Variants in ABCA6 observed in about 807,000 individuals in gnomAD.
ABCA6 encodes ATP binding cassette subfamily A member 6, also known as ATP-binding cassette sub-family A member 6.
ABCA6 carries 164 observed loss-of-function variants against 191.2 expected under a neutral mutation model. The observed-to-expected ratio is 0.86, with a 90% CI of 0.76 to 0.98. ABCA6 has a LOEUF of 0.98. ABCA6 is among the 50% of genes least tolerant of loss of function. The pLI is 0.00. For synonymous variants in ABCA6, 636 were observed against 647.7 expected, an observed-to-expected ratio of 0.98 and a Z score of 0.27; for missense variants, 1,958 against 1,894.1, an observed-to-expected ratio of 1.03 and a Z score of -0.63.
chr17:69,120,498 T>G (rs955318654), intron 10 of ABCA6, among the ~76,000 whole-genome samples: 1 of 152,092 alleles, frequency 6.6e-6, no homozygotes, highest in East Asian at 1.9e-4. Context: ...TGTTGTGTGC[T>G]CCTTGAAAGA....
At chr17:69,111,787 A>C (rs2144670244) in intron 16 of ABCA6, 1 of 166,560 alleles carries the variant, frequency 6.0e-6, no homozygotes, top group Admixed American at 6.0e-5. Context: ...CTGCCCCTAG[A>C]TTCTCTCCTT....
chr17:69,084,518 A>G lies in ABCA6; in HGVS notation c.4185-11T>C. 2 of 1,613,742 alleles carry G rather than the reference A, an allele frequency of 1.2e-6. No homozygotes were observed. The highest frequency in any genetic ancestry group is 8.5e-7 in the Non-Finnish European group (1 of 1,179,756). Reference sequence around the variant, plus strand: ...AAAGCACTCACTAATCTGACAGAAAACAGAATGAGAATATCTGGTCAAGAC... The same window carrying G: ...AAAGCACTCACTAATCTGACAGAAAGCAGAATGAGAATATCTGGTCAAGAC... On this transcript the variant is annotated splice_polypyrimidine_tract_variant and intron_variant, in intron 32 of 38. Transcript: ENST00000284425.
chr17:69,137,290 A>C lies in ABCA6; in HGVS notation c.301+6T>G, dbSNP rs1568038847. On this transcript the variant is annotated splice_donor_region_variant and intron_variant, in intron 3 of 38. Coordinates refer to ENST00000284425, the MANE Select transcript of ABCA6 (RefSeq NM_080284.3). ...GTAACTCTTTTTTTGCCATGAGTACACCTACCTTTCAAAAGAGGAGCAAGT... is the reference window on the plus strand; with the variant it reads ...GTAACTCTTTTTTTGCCATGAGTACCCCTACCTTTCAAAAGAGGAGCAAGT... The C allele has an allele frequency of 6.2e-7, 1 of 1,611,168 alleles. No homozygotes were observed. The highest frequency in any genetic ancestry group is 1.1e-5 in the South Asian group (1 of 90,852).
intron 10 of ABCA6, among the ~76,000 whole-genome samples, chr17:69,122,735 G>C (rs150317825): frequency 6.6e-6 from 1 of 152,002 alleles, no homozygotes; most frequent in East Asian, 1.9e-4. Flanking sequence ...GCAGAAAGGG[G>C]GACAAGATGA....
chr17:69,096,455 A>G (rs2073047954), intron 24 of ABCA6, 102 bp from the exon 25 acceptor site: 1 of 836,252 alleles, frequency 1.2e-6, no homozygotes. Flanking sequence ...CATAAGTATA[A>G]AACATCTTTG....
intron 36 of ABCA6, among the ~76,000 whole-genome samples, chr17:69,082,590 T>C (rs913330125): frequency 1.3e-5 from 2 of 152,152 alleles, no homozygotes; most frequent in Non-Finnish European, 2.9e-5. Flanking sequence ...CTGTGTGGGT[T>C]TGAGTCATTA....
intron 37 of ABCA6, among the ~76,000 whole-genome samples, chr17:69,080,759 TA>T (rs1478392767): frequency 6.6e-6 from 1 of 152,180 alleles, no homozygotes; most frequent in Non-Finnish European, 1.5e-5. Context: ...ATGGATTATA[TA>T]CATGTAGGCA....
At position 69,113,507 on chromosome 17, in the gene ABCA6, G is replaced by A. The variant is rs560265917; in HGVS notation, c.1902+111C>T. Reference sequence around the variant, plus strand: ...CTTCTATTTATAGTTAAACATAGCAGGTTCTCTCTTGATGCATTACAATGA... The same window carrying A: ...CTTCTATTTATAGTTAAACATAGCAAGTTCTCTCTTGATGCATTACAATGA... On this transcript the variant is annotated intron_variant, in intron 14 of 38. Transcript: ENST00000284425. 13 of 1,555,756 alleles carry A rather than the reference G, an allele frequency of 8.4e-6. No homozygotes were observed. The South Asian group carries it at 1.2e-4, about 14-fold the overall frequency.
At chr17:69,124,026 C>T (rs1380606780) in intron 9 of ABCA6, among the ~76,000 whole-genome samples, 2 of 151,874 alleles carry the variant, frequency 1.3e-5, no homozygotes, top group Non-Finnish European at 2.9e-5. Context: ...ACATGTTTGT[C>T]AACTTAAATA....
chr17:69,118,097 GA>G (rs200796644), intron 10 of ABCA6, 141 bp from the exon 11 acceptor site: 3 of 509,832 alleles, frequency 5.9e-6, no homozygotes, highest in African/African-American at 4.0e-5. Flanking sequence ...TATTCAGAAA[GA>G]AAAAACCCTA....
intron 22 of ABCA6, among the ~76,000 whole-genome samples, chr17:69,098,822 T>C (rs927645565): frequency 6.6e-6 from 1 of 152,104 alleles, no homozygotes; most frequent in African/African-American, 2.4e-5. Context: ...GGAAAGCTAA[T>C]TGGCATCGAG....
chr17:69,117,538 A>C (rs1156935618), intron 11 of ABCA6, among the ~76,000 whole-genome samples: 1 of 152,042 alleles, frequency 6.6e-6, no homozygotes, highest in Non-Finnish European at 1.5e-5. Flanking sequence ...TCACCAGTAC[A>C]TATAAACTAT....
chr17:69,138,581 A>G (rs934547247), intron 2 of ABCA6, among the ~76,000 whole-genome samples: 2 of 151,758 alleles, frequency 1.3e-5, no homozygotes, highest in Non-Finnish European at 2.9e-5. Flanking sequence ...TCTTCACAGA[A>G]TTGGAAAAAA....
chr17:69,091,845 T>C (rs1318117558), intron 25 of ABCA6, among the ~76,000 whole-genome samples: 1 of 152,170 alleles, frequency 6.6e-6, no homozygotes, highest in East Asian at 1.9e-4. Context: ...TTGACGTGTA[T>C]TATTAAATTT....
intron 20 of ABCA6, chr17:69,104,679 A>C (rs1352117532): frequency 2.7e-5 from 4 of 149,798 alleles, no homozygotes; most frequent in Non-Finnish European, 4.4e-5. Context: ...AAACAAAAAA[A>C]CAATTACTGG....
chr17:69,139,482 C>A (rs1327522382), intron 2 of ABCA6, among the ~76,000 whole-genome samples: 1 of 152,094 alleles, frequency 6.6e-6, no homozygotes, highest in East Asian at 1.9e-4. Context: ...AATAGGAACA[C>A]TTTTACACTG....
At chr17:69,082,783 C>A in intron 36 of ABCA6, 90 bp downstream of exon 36, 1 of 1,546,122 alleles carries the variant, frequency 6.5e-7, no homozygotes, top group Non-Finnish European at 8.7e-7. Context: ...ATTATGAAGC[C>A]AAATCACTAT....
At position 69,109,360 on chromosome 17, in the gene ABCA6, G is replaced by A. The variant is rs186897079; in HGVS notation, c.2272+1441C>T. The stretch of plus-strand genomic sequence containing the variant: ...AAACCATTAGAACAGTGCCTAACAC[G>A]TAGAAAACATTACACAAAGAGCAAG... On this transcript the variant is annotated intron_variant, in intron 17 of 38. Coordinates refer to ENST00000284425, the MANE Select transcript of ABCA6 (RefSeq NM_080284.3). 9.2e-4 allele frequency: 140 copies of A among 152,272 alleles called. 2 individuals carry two copies. Among genetic ancestry groups the A allele is most frequent in the Admixed American group, 2.4e-3 (37 of 15,290 alleles). 9.4% of individuals were successfully genotyped at this position (152,272 alleles called of 1,614,324 possible).
At chr17:69,083,087 T>C (rs2072681656) in intron 35 of ABCA6, 74 bp from the exon 36 acceptor site, 1 of 1,590,174 alleles carries the variant, frequency 6.3e-7, no homozygotes, top group South Asian at 1.2e-5. Context: ...AAATTTCAAA[T>C]GTAGAAGAAA....
Sources: allele counts gnomAD v4.1 joint callset (sites outside exome capture counted in the v4.1 genomes callset), GRCh38; gene constraint gnomAD v4.1.1; transcripts MANE v1.5; gene names NCBI Gene and HGNC (gene_info 2026-07-23, HGNC 2026-07-21).